The following HSD17B3 variants were observed in gnomAD, a reference collection of about 807,000 sequenced individuals.
The protein encoded by HSD17B3 is hydroxysteroid 17-beta dehydrogenase 3.
A neutral mutation model predicts 41.1 loss-of-function variants in HSD17B3; 29 were observed. That is an observed-to-expected ratio of 0.71 (90% CI 0.53 to 0.96). HSD17B3 has a LOEUF of 0.96. HSD17B3 is among the 40% of genes least tolerant of loss of function. The pLI, the probability that HSD17B3 is intolerant of heterozygous loss-of-function variation, is 0.00. For synonymous variants in HSD17B3, 126 were observed against 145.6 expected, an observed-to-expected ratio of 0.87 and a Z score of 0.97; for missense variants, 323 against 374.6, an observed-to-expected ratio of 0.86 and a Z score of 1.14.
At chr9:96,253,849 C>T (rs1269011280) in intron 3 of HSD17B3, among the ~76,000 whole-genome samples, 1 of 152,088 alleles carries the variant, frequency 6.6e-6, no homozygotes, top group East Asian at 1.9e-4. Flanking sequence ...CGGTCCTAGT[C>T]AAAGTTACTT....
intron 6 of HSD17B3, 146 bp downstream of exon 6, chr9:96,249,605 T>TA: frequency 1.4e-6 from 1 of 724,534 alleles, no homozygotes; most frequent in South Asian, 1.5e-5. Context: ...ACAAGACAAT[T>TA]ACAAGACCAC....
intron 6 of HSD17B3, among the ~76,000 whole-genome samples, chr9:96,248,579 C>T (rs1836765789): frequency 6.6e-6 from 1 of 152,158 alleles, no homozygotes; most frequent in Non-Finnish European, 1.5e-5. Flanking sequence ...ATCAAGGCTG[C>T]CATATACAGC....
intron 6 of HSD17B3, 176 bp downstream of exon 6, chr9:96,249,575 T>A: frequency 1.5e-6 from 1 of 652,922 alleles, no homozygotes. Context: ...CATTACTGTA[T>A]TTTCTAGATG....
rs7868919 is a variant in HSD17B3 at position 96,246,935 on chromosome 9, T to C, written c.490-345A>G. ...GGTTCCCATGATACTCTTCATTCTG[T>C]GGGACAGGCAAAAGTGGACTGGCCA... On this transcript the variant is annotated intron_variant, in intron 6 of 10. Transcript: ENST00000375263. Among the ~76,000 whole-genome samples, 1,386 of 152,278 alleles carry C rather than the reference T, an allele frequency of 9.1e-3. 23 individuals carry two copies. Among genetic ancestry groups the C allele is most frequent in the African/African-American group, 0.031 (1,309 of 41,556 alleles).
At chr9:96,293,510 A>G (rs1411324284) in intron 2 of HSD17B3, among the ~76,000 whole-genome samples, 1 of 141,756 alleles carries the variant, frequency 7.1e-6, no homozygotes, top group Non-Finnish European at 1.5e-5. Flanking sequence ...CAAATAAATC[A>G]ACCTTTCTCT....
At chr9:96,256,873 A>T (rs8190532) in intron 2 of HSD17B3, among the ~76,000 whole-genome samples, 1 of 151,616 alleles carries the variant, frequency 6.6e-6, no homozygotes, top group Non-Finnish European at 1.5e-5. Context: ...GTAATCCCCA[A>T]TGTTGGAGGT....
intron 6 of HSD17B3, 31 bp downstream of exon 6, chr9:96,249,720 A>C (rs1316741114): frequency 1.9e-6 from 3 of 1,605,606 alleles, no homozygotes; most frequent in African/African-American, 2.7e-5. Flanking sequence ...ACTACATGTT[A>C]ATGCATTTCG....
chr9:96,240,224 G>C (rs573738306), intron 10 of HSD17B3, among the ~76,000 whole-genome samples: 1 of 152,224 alleles, frequency 6.6e-6, no homozygotes, highest in South Asian at 2.1e-4. Context: ...ATGCATCCTG[G>C]AACTTAAAGT....
chr9:96,295,119 G>A (rs1244428342), intron 2 of HSD17B3, among the ~76,000 whole-genome samples: 3 of 146,144 alleles, frequency 2.1e-5, no homozygotes, highest in Non-Finnish European at 4.5e-5. Context: ...CGATTCTCCT[G>A]CCTCAGCCTC....
intron 2 of HSD17B3, among the ~76,000 whole-genome samples, chr9:96,257,285 G>C (rs1323210816): frequency 6.6e-6 from 1 of 151,984 alleles, no homozygotes; most frequent in Non-Finnish European, 1.5e-5. Context: ...TTTTCTATTT[G>C]TATTTATTAA....
In HSD17B3 at chr9:96,244,359, C is replaced by T; in HGVS notation, c.642G>A (p.Glu214=). 1 of 1,614,192 alleles carries T rather than the reference C, an allele frequency of 6.2e-7. No homozygotes were observed. Among genetic ancestry groups the T allele is most frequent in the Non-Finnish European group, 8.5e-7 (1 of 1,180,030 alleles). ...FVCAFSKALQ[E]EYKAKEVIIQ... is the part of the protein sequence containing the mutation. ...TGATGACTTCTTTTGCTTTATATTC[C>T]TCTTGCAGGGCCTTGGAAAATGCGC... Residue 214 remains glutamate (E), a synonymous_variant, in exon 9 of 11, where the codon GAG becomes GAA. Transcript: ENST00000375263.
intron 10 of HSD17B3, chr9:96,239,341 G>A (rs1051950233): frequency 3.9e-5 from 6 of 152,226 alleles, no homozygotes; most frequent in African/African-American, 1.2e-4. Flanking sequence ...TAAATGGCCA[G>A]TTGAGATGAC....
intron 3 of HSD17B3, 80 bp from the exon 4 acceptor site, chr9:96,252,990 G>T: frequency 2.3e-6 from 2 of 851,420 alleles, no homozygotes; most frequent in South Asian, 2.6e-5. Context: ...CAGTGCTCCT[G>T]TATTACCTGA....
At chr9:96,250,557 G>A in intron 5 of HSD17B3, 1 of 839,264 alleles carries the variant, frequency 1.2e-6, no homozygotes, top group Non-Finnish European at 1.5e-6. Flanking sequence ...CAAAGGTCAG[G>A]GCCTAAGAAA....
At chr9:96,262,786 T>C (rs1002197995) in intron 2 of HSD17B3, among the ~76,000 whole-genome samples, 2 of 152,192 alleles carry the variant, frequency 1.3e-5, no homozygotes, top group African/African-American at 4.8e-5. Context: ...CTAATATTGC[T>C]TCCATTCCTT....
chr9:96,239,363 C>G (rs943508962), intron 10 of HSD17B3: 3 of 152,168 alleles, frequency 2.0e-5, no homozygotes, highest in African/African-American at 7.2e-5. Flanking sequence ...AGATCAAACT[C>G]AGTTTAGACT....
At chr9:96,259,847 G>A (rs564445967) in intron 2 of HSD17B3, among the ~76,000 whole-genome samples, 34 of 152,176 alleles carry the variant, frequency 2.2e-4, no homozygotes, top group African/African-American at 7.5e-4. Context: ...CAGCCACCTC[G>A]CAGAATTTTT....
intron 2 of HSD17B3, among the ~76,000 whole-genome samples, chr9:96,260,945 G>A (rs1307830275): frequency 4.6e-5 from 7 of 152,126 alleles, no homozygotes; most frequent in Admixed American, 1.3e-4. Context: ...GCTCGCAGTA[G>A]TCCCTTCCCG....
At chr9:96,275,844 C>A (rs1014256885) in intron 2 of HSD17B3, among the ~76,000 whole-genome samples, 9 of 151,698 alleles carry the variant, frequency 5.9e-5, no homozygotes, top group Non-Finnish European at 1.2e-4. Context: ...GACAAAACAA[C>A]CACAAAACAG....
Sources: allele counts gnomAD v4.1 joint callset (sites outside exome capture counted in the v4.1 genomes callset), GRCh38; gene constraint gnomAD v4.1.1; transcripts MANE v1.5; gene names NCBI Gene and HGNC (gene_info 2026-07-23, HGNC 2026-07-21).